DMRT1: variants seen among roughly 807,000 people sequenced by gnomAD.
The protein encoded by DMRT1 is doublesex- and mab-3-related transcription factor 1.
In DMRT1, 7 loss-of-function variants were observed where a neutral mutation model predicts 32.3. The observed-to-expected ratio is 0.22, with a 90% CI of 0.12 to 0.41. The LOEUF is 0.41. Among genes scored for constraint, DMRT1 ranks in the 10% least tolerant of loss-of-function variants. The pLI is 1.00. For synonymous variants in DMRT1, 278 were observed against 206.1 expected (o/e 1.35, Z -2.99); for missense variants, 625 against 500.5 (o/e 1.25, Z -2.37).
chr9:848,234 T>C (rs1331365824), intron 2 of DMRT1, among the ~76,000 whole-genome samples: 1 of 152,248 alleles, frequency 6.6e-6, no homozygotes, highest in East Asian at 1.9e-4. Context: ...TAACTAGCTG[T>C]GCAACTTTGG....
intron 4 of DMRT1, among the ~76,000 whole-genome samples, chr9:958,858 C>T (rs1399522534): frequency 6.6e-6 from 1 of 152,174 alleles, no homozygotes; most frequent in Non-Finnish European, 1.5e-5. Context: ...GCAGTGTTGA[C>T]ATTATTGTGA....
intron 2 of DMRT1, among the ~76,000 whole-genome samples, chr9:861,187 C>T (rs566380052): frequency 2.0e-5 from 3 of 151,498 alleles, no homozygotes; most frequent in Non-Finnish European, 4.4e-5. Flanking sequence ...CTCTGGTTTT[C>T]CTAGGCAGAG....
At chr9:934,023 G>GAA (rs34467202) in intron 4 of DMRT1, among the ~76,000 whole-genome samples, 1 of 140,934 alleles carries the variant, frequency 7.1e-6, no homozygotes, top group Non-Finnish European at 1.6e-5. Context: ...GCACACTTAA[G>GAA]AAAAAAAAAA....
intron 4 of DMRT1, among the ~76,000 whole-genome samples, chr9:953,603 G>A (rs964086178): frequency 3.9e-5 from 6 of 152,166 alleles, no homozygotes; most frequent in African/African-American, 1.4e-4. Context: ...TGCCACCTCT[G>A]TTGTTGTACT....
rs533117101 is a variant in DMRT1, at chr9:863,821, C to T, written c.538+16678C>T. Among the ~76,000 whole-genome samples the T allele has an allele frequency of 7.9e-5, 12 of 152,264 alleles. No homozygotes were observed. The East Asian group carries it at 1.3e-3, about 17-fold the overall frequency. ...TTGTTAGTGGGGTTGAACATCGTTCCGTATGTTTAAAGGCCATTTGTATTT... is the reference window on the plus strand; with the variant it reads ...TTGTTAGTGGGGTTGAACATCGTTCTGTATGTTTAAAGGCCATTTGTATTT... On this transcript the variant is annotated intron_variant, in intron 2 of 4. Coordinates refer to ENST00000382276, the MANE Select transcript of DMRT1 (RefSeq NM_021951.3).
In DMRT1 at chr9:894,031, C is replaced by G; in HGVS notation, c.658C>G (p.Pro220Ala). ...YSSFYQPSLF[P>A]YYNNLYNCPQ... ...CAGCTTCTACCAGCCGTCTCTGTTT[C>G]CTTATTACAACAATCTATACAACTG... The change falls in exon 3 of 5, where the codon CCT becomes GCT. Residue 220 changes from proline to alanine, a missense_variant. Physicochemically the swap from Pro to Ala is conservative, Grantham distance 27 (BLOSUM62 -1). Around this residue, in one of 3 missense-constraint regions of DMRT1, gnomAD observed 416 missense variants for 321.6 expected, o/e 1.29. Coordinates refer to ENST00000382276, the MANE Select transcript of DMRT1 (RefSeq NM_021951.3). The G allele has an allele frequency of 6.2e-7, 1 of 1,614,258 alleles. No individual in the cohort carries two copies. The highest frequency in any genetic ancestry group is 8.5e-7 in the Non-Finnish European group (1 of 1,180,050).
intron 4 of DMRT1, among the ~76,000 whole-genome samples, chr9:930,559 C>T (rs948169530): frequency 3.3e-5 from 5 of 152,038 alleles, no homozygotes; most frequent in African/African-American, 4.8e-5. Flanking sequence ...CAGGCGCCCG[C>T]CACCATGCCC....
chr9:964,525 G>C (rs914130480), intron 4 of DMRT1, among the ~76,000 whole-genome samples: 1 of 151,912 alleles, frequency 6.6e-6, no homozygotes, highest in African/African-American at 2.4e-5. Context: ...TTACTTTTCA[G>C]TCTCTGCTGT....
At chr9:921,103 C>T (rs998706236) in intron 4 of DMRT1, among the ~76,000 whole-genome samples, 3 of 152,094 alleles carry the variant, frequency 2.0e-5, no homozygotes, top group Non-Finnish European at 4.4e-5. Flanking sequence ...AGTTGGGCAA[C>T]CGTCACCTCT....
rs1192305144 is a variant in DMRT1, at chr9:968,970, A to G, written c.*831A>G. On this transcript the variant is annotated 3_prime_UTR_variant, in exon 5 of 5. Coordinates refer to ENST00000382276, the MANE Select transcript of DMRT1 (RefSeq NM_021951.3). ...ATTTGAGTTCATGATTTTGTTAAAA[A>G]TTGCTATGGAGTACTTTGTTATATA... The G allele has an allele frequency of 6.6e-6, 1 of 152,642 alleles. No individual in the cohort carries two copies. The highest frequency in any genetic ancestry group is 1.5e-5 in the Non-Finnish European group (1 of 68,036). 9.5% of individuals were successfully genotyped at this position (152,642 alleles called of 1,614,324 possible).
In DMRT1 at chr9:914,359, G is replaced by A. The variant is rs141691484; in HGVS notation, c.823-2404G>A. Among the ~76,000 whole-genome samples the A allele has an allele frequency of 6.8e-3, 1,031 of 152,172 alleles. 11 individuals are homozygous for A. Among genetic ancestry groups the A allele is most frequent in the African/African-American group, 0.024 (983 of 41,512 alleles). On this transcript the variant is annotated intron_variant, in intron 3 of 4. Coordinates refer to ENST00000382276, the MANE Select transcript of DMRT1 (RefSeq NM_021951.3). The stretch of plus-strand genomic sequence containing the variant: ...GGAGGCCGAGGCGGGCAGATCACGA[G>A]GTCATGAGATCGAGACCATCCTGGC...
At chr9:862,195 A>G (rs937442832) in intron 2 of DMRT1, among the ~76,000 whole-genome samples, 1 of 151,054 alleles carries the variant, frequency 6.6e-6, no homozygotes, top group Non-Finnish European at 1.5e-5. Context: ...ACGCCACTGC[A>G]CTCCAGCCTG....
chr9:939,760 G>C (rs72701044), intron 4 of DMRT1, among the ~76,000 whole-genome samples: 1,551 of 152,244 alleles, frequency 0.01, 25 homozygotes, highest in African/African-American at 0.035. Context: ...ATTTTGTAGT[G>C]AAGTTTTATA....
At chr9:897,585 C>G (rs1282683507) in intron 3 of DMRT1, among the ~76,000 whole-genome samples, 2 of 149,110 alleles carry the variant, frequency 1.3e-5, no homozygotes, top group Admixed American at 6.7e-5. Flanking sequence ...GAGCAAGACA[C>G]TGTCTCCAAA....
At chr9:961,663 C>G (rs999412380) in intron 4 of DMRT1, among the ~76,000 whole-genome samples, 6 of 152,144 alleles carry the variant, frequency 3.9e-5, no homozygotes, top group South Asian at 4.2e-4. Context: ...GACCTTCAGG[C>G]TATTACATAG....
At chr9:849,231 T>C (rs1351655684) in intron 2 of DMRT1, among the ~76,000 whole-genome samples, 2 of 152,204 alleles carry the variant, frequency 1.3e-5, no homozygotes, top group Non-Finnish European at 2.9e-5. Context: ...GGATTTCCCA[T>C]TCTACTTAAC....
intron 4 of DMRT1, among the ~76,000 whole-genome samples, chr9:940,459 A>C (rs1251290324): frequency 6.6e-6 from 1 of 152,090 alleles, no homozygotes; most frequent in East Asian, 1.9e-4. Context: ...AATAGAGAAC[A>C]TTCTTAACAA....
intron 3 of DMRT1, among the ~76,000 whole-genome samples, chr9:913,480 T>C (rs74320619): frequency 0.047 from 7,095 of 152,254 alleles, 367 homozygotes; most frequent in East Asian, 0.17. Context: ...AAAAATCTTT[T>C]AGTTCTGGGG....
intron 2 of DMRT1, among the ~76,000 whole-genome samples, chr9:878,284 AAGG>A (rs1463745848): frequency 3.4e-5 from 5 of 147,168 alleles, no homozygotes; most frequent in Admixed American, 1.4e-4. Flanking sequence ...GAGTCGAATA[AAGG>A]AGGAGATGGG....
Sources: allele counts gnomAD v4.1 joint callset (sites outside exome capture counted in the v4.1 genomes callset), GRCh38; gene constraint gnomAD v4.1.1; regional missense constraint gnomAD v4.1.1; transcripts MANE v1.5; gene names NCBI Gene and HGNC (gene_info 2026-07-23, HGNC 2026-07-21).